Variants in DPP10 observed in about 807,000 individuals in gnomAD.
The protein encoded by DPP10 is inactive dipeptidyl peptidase 10.
DPP10 carries 33 observed loss-of-function variants against 120.9 expected under a neutral mutation model. The ratio of observed to expected loss-of-function variants is 0.27; its 90% CI spans 0.21 to 0.37. The LOEUF is 0.37. Among genes scored for constraint, DPP10 ranks in the 10% least tolerant of loss-of-function variants. The pLI is 1.00. For synonymous variants in DPP10, 337 were observed against 326.1 expected (o/e 1.03, Z -0.36); for missense variants, 816 against 942.8 (o/e 0.87, Z 1.76).
At chr2:114,906,227 CA>C (rs71394114) in intron 1 of DPP10, among the ~76,000 whole-genome samples, 29,594 of 151,566 alleles carry the variant, frequency 0.2, 3,357 homozygotes, top group South Asian at 0.27. Flanking sequence ...AAAATATATA[CA>C]AAAAAATTAT....
intron 5 of DPP10, among the ~76,000 whole-genome samples, chr2:115,640,176 A>T (rs2086664074): frequency 1.3e-5 from 2 of 152,110 alleles, no homozygotes; most frequent in Non-Finnish European, 2.9e-5. Flanking sequence ...CCCTCAGGGA[A>T]GGAAAAGTAA....
At chr2:114,975,973 G>A (rs981857895) in intron 1 of DPP10, among the ~76,000 whole-genome samples, 9 of 152,002 alleles carry the variant, frequency 5.9e-5, no homozygotes, top group Admixed American at 5.2e-4. Flanking sequence ...TAAATAAGAG[G>A]ACATTTAATT....
intron 1 of DPP10, among the ~76,000 whole-genome samples, chr2:114,594,425 T>C (rs992560708): frequency 4.0e-5 from 6 of 148,624 alleles, no homozygotes; most frequent in Non-Finnish European, 7.4e-5. Context: ...TGAATACATA[T>C]ATGTAAAAGG....
intron 1 of DPP10, among the ~76,000 whole-genome samples, chr2:115,017,133 A>T (rs1702701924): frequency 6.6e-6 from 1 of 151,726 alleles, no homozygotes; most frequent in Non-Finnish European, 1.5e-5. Context: ...GGTGCAGCAC[A>T]CCAGCATGGC....
intron 1 of DPP10, among the ~76,000 whole-genome samples, chr2:114,608,480 C>T (rs1045865254): frequency 1.3e-5 from 2 of 152,150 alleles, no homozygotes; most frequent in African/African-American, 4.8e-5. Flanking sequence ...TGATCAAATT[C>T]TATTTCTATC....
At position 114,649,816 on chromosome 2, in the gene DPP10, G is replaced by GT. The variant is rs34048017; in HGVS notation, c.60+206987dup. 1.2e-4 allele frequency among the ~76,000 whole-genome samples: 18 copies of GT among 151,140 alleles called. No individual in the cohort carries two copies. The East Asian group carries it at 2.1e-3, about 18-fold the overall frequency. ...TTATATCTTCTACTTTTATTTAGTA[G>GT]TTTTTTTTTCATCATTGATCTTTAA... On this transcript the variant is annotated intron_variant, in intron 1 of 25. Transcript: ENST00000410059.
intron 1 of DPP10, among the ~76,000 whole-genome samples, chr2:114,754,257 C>G (rs544266619): frequency 6.6e-6 from 1 of 152,120 alleles, no homozygotes; most frequent in African/African-American, 2.4e-5. Context: ...GAGAGACAGG[C>G]GGACACACCT....
intron 1 of DPP10, among the ~76,000 whole-genome samples, chr2:114,831,177 T>G (rs1174158008): frequency 2.0e-5 from 3 of 152,014 alleles, no homozygotes; most frequent in Admixed American, 6.6e-5. Flanking sequence ...ATGTTGTAAT[T>G]ATAACATTCC....
intron 1 of DPP10, among the ~76,000 whole-genome samples, chr2:114,551,817 G>A (rs1687910388): frequency 6.6e-6 from 1 of 152,130 alleles, no homozygotes; most frequent in African/African-American, 2.4e-5. Context: ...TTACTGTTTG[G>A]AGTTTTTAAT....
chr2:115,809,710 C>T (rs1234588481), intron 19 of DPP10, among the ~76,000 whole-genome samples: 3 of 152,306 alleles, frequency 2.0e-5, no homozygotes, highest in East Asian at 3.9e-4. Flanking sequence ...AAGCAGTTCT[C>T]TCTATGTCCC....
intron 3 of DPP10, among the ~76,000 whole-genome samples, chr2:115,402,875 A>ATG (rs1553584409): frequency 1.3e-4 from 16 of 125,224 alleles, no homozygotes; most frequent in African/African-American, 3.2e-4. Context: ...ATATATATAT[A>ATG]TGTGTGTGTG....
In DPP10 at chr2:115,054,487, T is replaced by C. The variant is rs149341877; in HGVS notation, c.61-254752T>C. 2.6e-5 allele frequency among the ~76,000 whole-genome samples: 4 copies of C among 152,270 alleles called. No homozygotes were observed. The East Asian group carries it at 5.8e-4, about 22-fold the overall frequency. On this transcript the variant is annotated intron_variant, in intron 1 of 25. Transcript: ENST00000410059. ...TAATATTATTAGAAAAAAAGTGCAC[T>C]GTTGGGTTCATTTTTTGTAGTTTCT...
At chr2:115,390,502 T>G (rs1281916360) in intron 3 of DPP10, among the ~76,000 whole-genome samples, 1 of 152,156 alleles carries the variant, frequency 6.6e-6, no homozygotes, top group Non-Finnish European at 1.5e-5. Context: ...GCTCTTTTTT[T>G]TATTGCCCTT....
chr2:115,165,604 C>A (rs1311469734), intron 1 of DPP10, among the ~76,000 whole-genome samples: 1 of 151,956 alleles, frequency 6.6e-6, no homozygotes, highest in Non-Finnish European at 1.5e-5. Context: ...TTTTTTTGAT[C>A]TTTGTATCAT....
Position 115,535,828 on chromosome 2 carries a change from C to T in DPP10, c.441+9856C>T, listed in dbSNP as rs571078761. Among the ~76,000 whole-genome samples, 296 of 152,108 alleles carry T rather than the reference C, an allele frequency of 1.9e-3. 1 individual carries two copies. The highest frequency in any genetic ancestry group is 6.3e-3 in the African/African-American group (262 of 41,460). On this transcript the variant is annotated intron_variant, in intron 5 of 25. Coordinates refer to ENST00000410059, the MANE Select transcript of DPP10 (RefSeq NM_020868.6). The stretch of plus-strand genomic sequence containing the variant: ...TAGTTCTCCTTGAAGAGGTCCTTCA[C>T]CTCCCTTGTAAGTTGGATTCCTAGG...
chr2:114,755,161 G>A (rs1679610756), intron 1 of DPP10, among the ~76,000 whole-genome samples: 1 of 152,200 alleles, frequency 6.6e-6, no homozygotes, highest in Non-Finnish European at 1.5e-5. Flanking sequence ...TATTTGGTTA[G>A]CAGGACCAGG....
intron 3 of DPP10, among the ~76,000 whole-genome samples, chr2:115,436,431 A>G (rs1279495918): frequency 6.6e-6 from 1 of 151,828 alleles, no homozygotes; most frequent in Non-Finnish European, 1.5e-5. Flanking sequence ...TATTAAAGAC[A>G]ACTGAGAAGT....
chr2:115,824,003 T>C (rs905644717), intron 21 of DPP10, among the ~76,000 whole-genome samples: 1 of 152,196 alleles, frequency 6.6e-6, no homozygotes, highest in Admixed American at 6.5e-5. Flanking sequence ...GTTCTGCTTT[T>C]TCTCCTTTTG....
At chr2:115,665,949 A>T (rs2089420304) in intron 5 of DPP10, among the ~76,000 whole-genome samples, 1 of 151,748 alleles carries the variant, frequency 6.6e-6, no homozygotes, top group South Asian at 2.1e-4. Flanking sequence ...TTTATGGGTA[A>T]ATTGTGTGTC....
Sources: allele counts gnomAD v4.1 joint callset (sites outside exome capture counted in the v4.1 genomes callset), GRCh38; gene constraint gnomAD v4.1.1; transcripts MANE v1.5; gene names NCBI Gene and HGNC (gene_info 2026-07-23, HGNC 2026-07-21).